ZNF385D: variants seen among roughly 807,000 people sequenced by gnomAD.
The protein encoded by ZNF385D is zinc finger protein 385D.
ZNF385D carries 15 observed loss-of-function variants against 35.8 expected under a neutral mutation model. The ratio of observed to expected loss-of-function variants is 0.42; its 90% CI spans 0.28 to 0.64. The LOEUF is 0.64. Ranked by LOEUF, ZNF385D falls within the 30% of genes least tolerant of loss-of-function variation. The pLI is 0.23. For synonymous variants in ZNF385D, 212 were observed against 186.8 expected, an observed-to-expected ratio of 1.13 and a Z score of -1.10; for missense variants, 474 against 494.6, an observed-to-expected ratio of 0.96 and a Z score of 0.39.
chr3:22,106,423 A>T (rs888626820), intron 3 of ZNF385D, among the ~76,000 whole-genome samples: 1 of 152,170 alleles, frequency 6.6e-6, no homozygotes, highest in Non-Finnish European at 1.5e-5. Flanking sequence ...ACATTTTCCA[A>T]TCTCTGTCTC....
intron 3 of ZNF385D, among the ~76,000 whole-genome samples, chr3:21,816,202 G>T (rs2073141461): frequency 6.6e-6 from 1 of 152,152 alleles, no homozygotes; most frequent in Non-Finnish European, 1.5e-5. Flanking sequence ...AGCTATTTAT[G>T]ACAAATCCAC....
intron 3 of ZNF385D, among the ~76,000 whole-genome samples, chr3:22,122,757 A>G (rs1415939013): frequency 6.6e-6 from 1 of 152,210 alleles, no homozygotes; most frequent in African/African-American, 2.4e-5. Flanking sequence ...TTCGAGTCAC[A>G]TGCTAAAGGG....
At chr3:21,996,275 T>C (rs889784619) in intron 3 of ZNF385D, among the ~76,000 whole-genome samples, 1 of 152,112 alleles carries the variant, frequency 6.6e-6, no homozygotes. Context: ...CAGGAGTCAA[T>C]GGTGGGAATG....
chr3:22,020,172 A>G (rs1576165593), intron 3 of ZNF385D, among the ~76,000 whole-genome samples: 1 of 151,900 alleles, frequency 6.6e-6, no homozygotes, highest in African/African-American at 2.4e-5. Context: ...CTTGTCATGC[A>G]ATACATGACA....
At chr3:22,303,684 G>A (rs1037538255) in intron 2 of ZNF385D, among the ~76,000 whole-genome samples, 2 of 151,924 alleles carry the variant, frequency 1.3e-5, no homozygotes, top group Non-Finnish European at 2.9e-5. Flanking sequence ...TTGTATATAC[G>A]TTTACGGTAT....
intron 3 of ZNF385D, among the ~76,000 whole-genome samples, chr3:21,530,033 G>A (rs903777477): frequency 6.6e-6 from 1 of 152,062 alleles, no homozygotes; most frequent in African/African-American, 2.4e-5. Context: ...CTTGGTGAGG[G>A]TGACTTATTA....
chr3:21,897,794 G>A (rs1263409895), intron 3 of ZNF385D, among the ~76,000 whole-genome samples: 2 of 152,098 alleles, frequency 1.3e-5, no homozygotes, highest in African/African-American at 2.4e-5. Context: ...ACTTCATATA[G>A]ATGCATTCAT....
At chr3:21,863,379 AG>A (rs1697164395) in intron 3 of ZNF385D, among the ~76,000 whole-genome samples, 2 of 152,270 alleles carry the variant, frequency 1.3e-5, no homozygotes, top group Non-Finnish European at 2.9e-5. Flanking sequence ...GAGCCACTGT[AG>A]GCAGTCATTA....
intron 3 of ZNF385D, among the ~76,000 whole-genome samples, chr3:21,780,891 T>G (rs1009983765): frequency 1.3e-5 from 2 of 152,082 alleles, no homozygotes; most frequent in Non-Finnish European, 2.9e-5. Flanking sequence ...GGTTGACATT[T>G]AGTAGCGCCA....
chr3:21,540,106 A>G (rs1371481600), intron 3 of ZNF385D, among the ~76,000 whole-genome samples: 1 of 152,236 alleles, frequency 6.6e-6, no homozygotes, highest in Non-Finnish European at 1.5e-5. Flanking sequence ...ATATTCATCG[A>G]AGTATAATTC....
intron 3 of ZNF385D, among the ~76,000 whole-genome samples, chr3:21,936,170 T>G (rs1234743281): frequency 6.6e-6 from 1 of 152,068 alleles, no homozygotes; most frequent in Admixed American, 6.6e-5. Flanking sequence ...GCCTCAGCCC[T>G]GCGTAACTAC....
chr3:22,149,570 G>A (rs1001598651), intron 3 of ZNF385D, among the ~76,000 whole-genome samples: 2 of 152,146 alleles, frequency 1.3e-5, no homozygotes, highest in Non-Finnish European at 2.9e-5. Flanking sequence ...AGGTACTCAG[G>A]TGATGCTGAT....
At chr3:21,453,549 C>A (rs367909462) in intron 4 of ZNF385D, among the ~76,000 whole-genome samples, 1 of 151,574 alleles carries the variant, frequency 6.6e-6, no homozygotes, top group African/African-American at 2.4e-5. Context: ...AAAAAATGGG[C>A]AAAATATTTT....
At chr3:21,681,316 A>AAAAAAAAAAAAAAAAAAAAAC (rs1334410224) in intron 1 of ZNF385D, among the ~76,000 whole-genome samples, 36 of 141,668 alleles carry the variant, frequency 2.5e-4, no homozygotes, top group South Asian at 4.7e-4. Flanking sequence ...AAAAAAAAAA[A>AAAAAAAAAAAAAAAAAAAAAC]AAAAAAAACC....
intron 2 of ZNF385D, among the ~76,000 whole-genome samples, chr3:22,173,336 A>G (rs995976187): frequency 2.0e-5 from 3 of 152,224 alleles, no homozygotes; most frequent in Non-Finnish European, 2.9e-5. Flanking sequence ...ATAATGTATT[A>G]TTAGTTCGTT....
chr3:21,595,835 A>C (rs571721476), intron 2 of ZNF385D, among the ~76,000 whole-genome samples: 1 of 152,278 alleles, frequency 6.6e-6, no homozygotes, highest in African/African-American at 2.4e-5. Flanking sequence ...AGAAAGGCAA[A>C]GTAAAGTAAA....
chr3:21,983,251 T>C lies in ZNF385D; in HGVS notation c.325+185566A>G, dbSNP rs1478668341. Among the ~76,000 whole-genome samples, 3 of 144,834 alleles carry C rather than the reference T, an allele frequency of 2.1e-5. No homozygotes were observed. In the East Asian group the frequency reaches 6.1e-4, roughly 29 times the overall value. ...CATATGTATACATGTGCCATGCTGG[T>C]GCGCTGCACCCACTAACTCGTCATC... On this transcript the variant is annotated intron_variant, in intron 3 of 5. Transcript: ENST00000494108.
intron 3 of ZNF385D, among the ~76,000 whole-genome samples, chr3:21,797,418 G>C (rs1272752120): frequency 6.6e-6 from 1 of 152,178 alleles, no homozygotes; most frequent in African/African-American, 2.4e-5. Context: ...CACTTTGGAA[G>C]ACAGTTTGGT....
intron 1 of ZNF385D, among the ~76,000 whole-genome samples, chr3:21,698,419 T>C (rs967687259): frequency 2.0e-5 from 3 of 152,052 alleles, no homozygotes; most frequent in East Asian, 1.9e-4. Flanking sequence ...AAAGTCACCA[T>C]AAAGATAAAG....
Sources: gnomAD v4.1 joint callset for allele counts (sites outside exome capture counted in the v4.1 genomes callset) on GRCh38, gnomAD v4.1.1 for gene constraint, MANE v1.5 for transcripts, NCBI Gene and HGNC (gene_info 2026-07-23, HGNC 2026-07-21) for gene names.